The following PCDH15 variants were observed in gnomAD, a reference collection of about 807,000 sequenced individuals.
PCDH15 encodes protocadherin related 15, also known as protocadherin-15.
PCDH15 carries 129 observed loss-of-function variants against 178.5 expected under a neutral mutation model. The observed-to-expected ratio is 0.72, with a 90% confidence interval of 0.63 to 0.84. The LOEUF (loss-of-function observed/expected upper bound fraction) is 0.84. Ranked by LOEUF, PCDH15 falls within the 40% of genes least tolerant of loss-of-function variation. The pLI, the probability that PCDH15 is intolerant of heterozygous loss-of-function variation, is 0.00. For missense variants in PCDH15, 2,230 were observed against 2,099.9 expected (o/e 1.06, Z -1.21); for synonymous variants, 800 against 732.0 (o/e 1.09, Z -1.50).
intron 16 of PCDH15, among the ~76,000 whole-genome samples, chr10:54,084,991 T>C (rs2094494195): frequency 6.6e-6 from 1 of 152,058 alleles, no homozygotes; most frequent in Non-Finnish European, 1.5e-5. Context: ...CAATTAGCAA[T>C]TAACAAAAAC....
chr10:54,015,738 A>AAGGAAT (rs1461935210), intron 20 of PCDH15, among the ~76,000 whole-genome samples: 1 of 152,194 alleles, frequency 6.6e-6, no homozygotes, highest in Non-Finnish European at 1.5e-5. Context: ...TACACCATGT[A>AAGGAAT]CAAAAATCAA....
intron 25 of PCDH15, among the ~76,000 whole-genome samples, chr10:53,915,613 G>A (rs756242871): frequency 1.4e-4 from 22 of 152,112 alleles, no homozygotes; most frequent in Admixed American, 3.3e-4. Context: ...AGGCTGGAGT[G>A]CAGTGGCACG....
At chr10:54,259,843 CTT>C (rs1191188528) in intron 8 of PCDH15, among the ~76,000 whole-genome samples, 1 of 152,120 alleles carries the variant, frequency 6.6e-6, no homozygotes, top group Admixed American at 6.5e-5. Flanking sequence ...TATACTAAGA[CTT>C]AGTCCCTTCC....
intron 25 of PCDH15, among the ~76,000 whole-genome samples, chr10:53,931,047 G>A (rs925658878): frequency 7.9e-5 from 12 of 152,254 alleles, no homozygotes; most frequent in African/African-American, 2.9e-4. Flanking sequence ...ATAAAATGTA[G>A]GGAGTCTAGA....
At chr10:54,623,667 C>T (rs1303269320) in intron 2 of PCDH15, among the ~76,000 whole-genome samples, 1 of 152,054 alleles carries the variant, frequency 6.6e-6, no homozygotes, top group African/African-American at 2.4e-5. Flanking sequence ...GAACACTAAA[C>T]TATATAAATT....
intron 1 of PCDH15, among the ~76,000 whole-genome samples, chr10:54,721,277 A>C (rs1941554656): frequency 6.6e-6 from 1 of 151,960 alleles, no homozygotes; most frequent in African/African-American, 2.4e-5. Context: ...TGTCTACATC[A>C]AAAAGAATGA....
intron 2 of PCDH15, among the ~76,000 whole-genome samples, chr10:55,162,101 T>C (rs191612513): frequency 4.9e-4 from 75 of 152,252 alleles, no homozygotes; most frequent in Admixed American, 1.4e-3. Flanking sequence ...GGAGAATCTA[T>C]GATGCTGGAC....
chr10:54,538,633 G>T (rs532823730), intron 2 of PCDH15, among the ~76,000 whole-genome samples: 14 of 152,230 alleles, frequency 9.2e-5, no homozygotes, highest in African/African-American at 3.1e-4. Flanking sequence ...TGGAGGAGGG[G>T]CTGGTGGGAT....
chr10:54,616,332 A>G (rs1417708873), intron 2 of PCDH15, among the ~76,000 whole-genome samples: 1 of 152,122 alleles, frequency 6.6e-6, no homozygotes, highest in African/African-American at 2.4e-5. Flanking sequence ...ATGGAAAATT[A>G]GGTCAGGTAT....
chr10:55,428,134 A>AAGTGTTTGACCTAATCAATT (rs1021712811), intron 2 of PCDH15, among the ~76,000 whole-genome samples: 3 of 152,018 alleles, frequency 2.0e-5, no homozygotes, highest in African/African-American at 7.2e-5. Context: ...CTGTAGAATG[A>AAGTGTTTGACCTAATCAATT]AGTGTTTGAC....
rs147752300 is a variant in PCDH15 at position 54,073,750 on chromosome 10, C to T, written c.2091+5581G>A. On this transcript the variant is annotated intron_variant, in intron 17 of 37. Transcript: ENST00000644397. ...GAGGAAAATAATATTGCTGAACACA[C>T]GGAATCTGGTCAGAAATATCTAGGC... 3.9e-4 allele frequency among the ~76,000 whole-genome samples: 59 copies of T among 152,166 alleles called. 1 individual carries two copies. Among genetic ancestry groups the T allele is most frequent in the African/African-American group, 1.1e-3 (46 of 41,530 alleles).
chr10:54,238,659 CCT>C (rs141677915), intron 8 of PCDH15, among the ~76,000 whole-genome samples: 56 of 130,180 alleles, frequency 4.3e-4, no homozygotes, highest in African/African-American at 1.4e-3. Flanking sequence ...TCCCATGCTG[CCT>C]CTCTCTCTCT....
intron 2 of PCDH15, among the ~76,000 whole-genome samples, chr10:54,914,010 T>C (rs948601478): frequency 1.3e-5 from 2 of 152,170 alleles, no homozygotes; most frequent in Non-Finnish European, 2.9e-5. Context: ...ATATGAGACT[T>C]TAGACTGTGA....
intron 2 of PCDH15, among the ~76,000 whole-genome samples, chr10:55,337,205 G>A (rs7916928): frequency 0.53 from 81,206 of 151,914 alleles, 22,049 homozygotes; most frequent in African/African-American, 0.59. Flanking sequence ...AATAAAATAG[G>A]CAGAAGAGTG....
intron 2 of PCDH15, among the ~76,000 whole-genome samples, chr10:54,963,954 G>A (rs550630619): frequency 1.9e-4 from 29 of 152,250 alleles, no homozygotes; most frequent in African/African-American, 7.0e-4. Context: ...TCCATCTCCT[G>A]AAGAGGCTAA....
chr10:54,409,142 G>T (rs10740582), intron 3 of PCDH15, among the ~76,000 whole-genome samples: 4 of 152,108 alleles, frequency 2.6e-5, no homozygotes, highest in Admixed American at 2.6e-4. Flanking sequence ...TGTATTTTGC[G>T]TTTTGCCATG....
At chr10:55,205,825 G>T (rs1362048852) in intron 1 of PCDH15, among the ~76,000 whole-genome samples, 2 of 152,028 alleles carry the variant, frequency 1.3e-5, no homozygotes, top group East Asian at 1.9e-4. Flanking sequence ...AAAGAAAGAG[G>T]TTTATTGAAC....
intron 13 of PCDH15, among the ~76,000 whole-genome samples, chr10:54,174,539 A>AAAAAAAGG (rs2047229617): frequency 1.3e-5 from 2 of 151,956 alleles, no homozygotes; most frequent in Non-Finnish European, 2.9e-5. Context: ...AGAAAAAAAG[A>AAAAAAAGG]AAAACAGGTA....
chr10:54,881,708 G>A (rs1026751891), intron 3 of PCDH15, among the ~76,000 whole-genome samples: 6 of 151,932 alleles, frequency 3.9e-5, no homozygotes, highest in Non-Finnish European at 4.4e-5. Context: ...TATCATAAGC[G>A]GATTAGGCTC....
Sources: gnomAD v4.1 joint callset for allele counts (sites outside exome capture counted in the v4.1 genomes callset) on GRCh38, gnomAD v4.1.1 for gene constraint, MANE v1.5 for transcripts, NCBI Gene and HGNC (gene_info 2026-07-23, HGNC 2026-07-21) for gene names.